The following RNFT2 variants were observed in gnomAD, a reference collection of about 807,000 sequenced individuals.
RNFT2 encodes the protein ring finger protein, transmembrane 2.
A neutral mutation model predicts 53.0 loss-of-function variants in RNFT2; 36 were observed. The observed-to-expected ratio is 0.68, with a 90% confidence interval of 0.52 to 0.90. The LOEUF is 0.90. Ranked by LOEUF, RNFT2 falls within the 40% of genes least tolerant of loss-of-function variation. The probability of loss-of-function intolerance (pLI) is 0.00; values close to 1 mark genes in which losing one functional copy is unlikely to be tolerated. For missense variants in RNFT2, 514 were observed against 585.6 expected (o/e 0.88, Z 1.26); for synonymous variants, 260 against 253.2 (o/e 1.03, Z -0.26).
chr12:116,797,148 A>G (rs746038319), intron 7 of RNFT2, among the ~76,000 whole-genome samples: 5 of 152,202 alleles, frequency 3.3e-5, no homozygotes, highest in Non-Finnish European at 7.3e-5. Flanking sequence ...TCAGCTCCCC[A>G]AATGTTATGG....
In RNFT2 at chr12:116,836,174, C is replaced by T; in HGVS notation, c.1099-7C>T. On this transcript the variant is annotated splice_polypyrimidine_tract_variant and splice_region_variant and intron_variant, in intron 9 of 10. Coordinates refer to ENST00000257575, the MANE Select transcript of RNFT2 (RefSeq NM_001382266.1). Reference sequence around the variant, plus strand: ...ATAGCTGTATTTGCTTCTCCCCTCCCTCAAAGAACTATGGAGTCCGAGCCA... The same window carrying T: ...ATAGCTGTATTTGCTTCTCCCCTCCTTCAAAGAACTATGGAGTCCGAGCCA... 1 of 1,593,912 alleles carries T rather than the reference C, an allele frequency of 6.3e-7. No individual in the cohort carries two copies. The highest frequency in any genetic ancestry group is 8.5e-7 in the Non-Finnish European group (1 of 1,169,988).
chr12:116,838,178 T>C (rs1357547460), intron 10 of RNFT2, among the ~76,000 whole-genome samples: 1 of 152,222 alleles, frequency 6.6e-6, no homozygotes, highest in Non-Finnish European at 1.5e-5. Flanking sequence ...ACCATTCTTC[T>C]ATTGATAGGC....
chr12:116,822,560 A>G (rs1293390950), intron 7 of RNFT2, among the ~76,000 whole-genome samples: 1 of 152,208 alleles, frequency 6.6e-6, no homozygotes, highest in Non-Finnish European at 1.5e-5. Context: ...AGTGGTGCCT[A>G]GCACATAGTT....
At chr12:116,828,854 G>T (rs1436461573) in intron 7 of RNFT2, among the ~76,000 whole-genome samples, 1 of 152,084 alleles carries the variant, frequency 6.6e-6, no homozygotes, top group African/African-American at 2.4e-5. Flanking sequence ...ACAAAAGCAG[G>T]TTAAGGCCAG....
chr12:116,756,304 A>AG (rs1364272618), intron 5 of RNFT2, among the ~76,000 whole-genome samples: 1 of 149,812 alleles, frequency 6.7e-6, no homozygotes, highest in Non-Finnish European at 1.5e-5. Flanking sequence ...TATATTCCTA[A>AG]GGTTTTTTTT....
At chr12:116,824,765 C>G (rs1307006946) in intron 7 of RNFT2, among the ~76,000 whole-genome samples, 1 of 152,130 alleles carries the variant, frequency 6.6e-6, no homozygotes, top group Non-Finnish European at 1.5e-5. Flanking sequence ...TATAAGGGAA[C>G]CAATCCCATC....
At chr12:116,776,383 G>A (rs549304999) in intron 6 of RNFT2, among the ~76,000 whole-genome samples, 1 of 152,278 alleles carries the variant, frequency 6.6e-6, no homozygotes, top group South Asian at 2.1e-4. Flanking sequence ...CTGGAGATTT[G>A]GCAGAGTGTG....
intron 7 of RNFT2, among the ~76,000 whole-genome samples, chr12:116,819,287 A>C (rs1401563729): frequency 6.6e-6 from 1 of 152,202 alleles, no homozygotes; most frequent in African/African-American, 2.4e-5. Context: ...GCCCTTCGCA[A>C]ACTGAGATCT....
Position 116,743,245 on chromosome 12 carries a change from C to CAAAAAAAAAAAAA in RNFT2, c.83+2151_83+2152insAAAAAAAAAAAAA, listed in dbSNP as rs1491208112. Among the ~76,000 whole-genome samples, 2 of 27,190 alleles carry CAAAAAAAAAAAAA rather than the reference C, an allele frequency of 7.4e-5. 1 individual carries two copies. The highest frequency in any genetic ancestry group is 1.3e-4 in the Non-Finnish European group (2 of 15,162). The allele number at this position is 27,190 out of a possible 152,430, so 17.8% of individuals were successfully genotyped here. On this transcript the variant is annotated intron_variant, in intron 3 of 10. Transcript: ENST00000257575. Reference sequence around the variant, plus strand: ...AAAAAAAAAAAAAAAAAAAAAAAAACCGGTTAAAAAACACTCATGAGCTAG... The same window carrying CAAAAAAAAAAAAA: ...AAAAAAAAAAAAAAAAAAAAAAAAACAAAAAAAAAAAAACGGTTAAAAAACACTCATGAGCTAG...
rs756645163 is a variant in RNFT2, at chr12:116,835,950, C to T, written c.1033-10C>T. On this transcript the variant is annotated splice_polypyrimidine_tract_variant and intron_variant, in intron 8 of 10. Transcript: ENST00000257575. Reference sequence around the variant, plus strand: ...GGTACATTTCAGCCACCACCCTGCTCTCCTTTCAGTCCTTCGACATCTGTG... The same window carrying T: ...GGTACATTTCAGCCACCACCCTGCTTTCCTTTCAGTCCTTCGACATCTGTG... The T allele has an allele frequency of 6.2e-7, 1 of 1,614,004 alleles. No individual in the cohort carries two copies. Among genetic ancestry groups the T allele is most frequent in the Non-Finnish European group, 8.5e-7 (1 of 1,179,880 alleles).
chr12:116,821,180 C>T (rs1318158920), intron 7 of RNFT2, among the ~76,000 whole-genome samples: 1 of 152,110 alleles, frequency 6.6e-6, no homozygotes, highest in Non-Finnish European at 1.5e-5. Context: ...TTTCTCTCTT[C>T]CTTTCTTCTG....
chr12:116,805,257 G>A (rs950007114), intron 7 of RNFT2, among the ~76,000 whole-genome samples: 4 of 151,686 alleles, frequency 2.6e-5, no homozygotes, highest in African/African-American at 9.7e-5. Context: ...AGGTAATAGC[G>A]GGCAGTTCTC....
chr12:116,831,935 C>T (rs1283789402), intron 7 of RNFT2, among the ~76,000 whole-genome samples: 4 of 151,614 alleles, frequency 2.6e-5, no homozygotes, highest in Non-Finnish European at 4.4e-5. Flanking sequence ...TTGAGACCAG[C>T]CTGGGCAACA....
chr12:116,808,121 G>A (rs1408626917), intron 7 of RNFT2, among the ~76,000 whole-genome samples: 7 of 152,052 alleles, frequency 4.6e-5, no homozygotes, highest in Non-Finnish European at 1.0e-4. Flanking sequence ...CCGCCACCAT[G>A]CCCAGCTAAT....
At chr12:116,779,904 A>C (rs1873611636) in intron 7 of RNFT2, among the ~76,000 whole-genome samples, 1 of 152,188 alleles carries the variant, frequency 6.6e-6, no homozygotes, top group Non-Finnish European at 1.5e-5. Context: ...TAGACATTGG[A>C]GTTCAGAGGA....
Position 116,740,419 on chromosome 12 carries a change from C to A in RNFT2, c.-79C>A. 7.0e-7 allele frequency: 1 copy of A among 1,425,284 alleles called. No homozygotes were observed. The highest frequency in any genetic ancestry group is 9.7e-7 in the Non-Finnish European group (1 of 1,032,156). The allele number at this position is 1,425,284 out of a possible 1,614,324, so 88.3% of individuals were successfully genotyped here. A position where few individuals can be genotyped will look rare whatever the true frequency, so the allele number is the denominator to read the frequency against. ...AAGAGGAGGGGGAGGCCTGTCCTCTCTGGGATCCATTGGTCACATCCCCCT... is the reference window on the plus strand; with the variant it reads ...AAGAGGAGGGGGAGGCCTGTCCTCTATGGGATCCATTGGTCACATCCCCCT... On this transcript the variant is annotated 5_prime_UTR_variant, in exon 2 of 11. In the 5' UTR this introduces an upstream ATG that the reference lacks. Transcript: ENST00000257575.
chr12:116,764,095 C>A (rs1382069166), intron 5 of RNFT2, among the ~76,000 whole-genome samples: 1 of 152,138 alleles, frequency 6.6e-6, no homozygotes, highest in Non-Finnish European at 1.5e-5. Context: ...TAAAGTAACT[C>A]AGGAATGAAA....
At chr12:116,834,534 A>G (rs551538934) in intron 8 of RNFT2, among the ~76,000 whole-genome samples, 1 of 152,204 alleles carries the variant, frequency 6.6e-6, no homozygotes, top group South Asian at 2.1e-4. Flanking sequence ...GAAAAGAAAT[A>G]CCCATTAAGC....
intron 7 of RNFT2, among the ~76,000 whole-genome samples, chr12:116,789,364 A>G (rs1592959350): frequency 7.0e-6 from 1 of 142,372 alleles, no homozygotes; most frequent in Admixed American, 7.0e-5. Flanking sequence ...GTGGATGGGT[A>G]AATGGGAGGA....
Sources: gnomAD v4.1 joint callset for allele counts (sites outside exome capture counted in the v4.1 genomes callset) on GRCh38, gnomAD v4.1.1 for gene constraint, MANE v1.5 for transcripts, NCBI Gene and HGNC (gene_info 2026-07-23, HGNC 2026-07-21) for gene names.